Variants in MCTP1 observed in about 807,000 individuals in gnomAD.
MCTP1 encodes multiple C2 and transmembrane domain-containing protein 1.
Under a neutral mutation model 120.6 loss-of-function variants are expected in MCTP1, and 69 were observed. That is an observed-to-expected ratio of 0.57 (90% CI 0.47 to 0.70). The LOEUF (loss-of-function observed/expected upper bound fraction) is 0.70, where lower values mean the gene tolerates loss of function less well. MCTP1 is among the 30% of genes least tolerant of loss of function. The pLI is 0.00. For missense variants in MCTP1, 1,203 were observed against 1,248.8 expected (o/e 0.96, Z 0.55); for synonymous variants, 529 against 493.1 (o/e 1.07, Z -0.96).
Position 94,725,534 on chromosome 5 carries a change from ACTT to A in MCTP1, c.2611-10651_2611-10649del, listed in dbSNP as rs1378200017. On this transcript the variant is annotated intron_variant, in intron 19 of 22. Transcript: ENST00000515393. ...AGGATGTACGTTTGTTTTTAAAAAAACTTCTTTTGAAATTGTTTACTTCATTTT... is the reference window on the plus strand; with the variant it reads ...AGGATGTACGTTTGTTTTTAAAAAAACTTTTGAAATTGTTTACTTCATTTT... Among the ~76,000 whole-genome samples the A allele has an allele frequency of 2.0e-5, 3 of 152,226 alleles. No individual in the cohort carries two copies. In the East Asian group the frequency reaches 5.8e-4, roughly 29 times the overall value.
chr5:95,000,444 G>A (rs1833452402), intron 2 of MCTP1, among the ~76,000 whole-genome samples: 1 of 152,158 alleles, frequency 6.6e-6, no homozygotes, highest in Non-Finnish European at 1.5e-5. Flanking sequence ...CTCCATACAT[G>A]TTACTGCTTC....
chr5:94,745,443 T>C (rs1766661772), intron 19 of MCTP1, among the ~76,000 whole-genome samples: 1 of 152,222 alleles, frequency 6.6e-6, no homozygotes. Context: ...TGACTTCTTT[T>C]AGCCTCATTT....
chr5:94,881,139 T>C (rs1243576485), intron 12 of MCTP1, among the ~76,000 whole-genome samples: 1 of 152,164 alleles, frequency 6.6e-6, no homozygotes, highest in Non-Finnish European at 1.5e-5. Context: ...TGCCTAAGAC[T>C]TGATATTAGA....
intron 1 of MCTP1, among the ~76,000 whole-genome samples, chr5:95,202,110 G>A (rs1342232987): frequency 6.6e-6 from 1 of 152,116 alleles, no homozygotes; most frequent in Non-Finnish European, 1.5e-5. Flanking sequence ...GAGTGGGGAA[G>A]ACCACTCTTG....
At chr5:94,939,773 T>C (rs293039) in intron 5 of MCTP1, among the ~76,000 whole-genome samples, 48,603 of 151,884 alleles carry the variant, frequency 0.32, 8,790 homozygotes, top group South Asian at 0.45. Context: ...TTCAATTCAC[T>C]AATAAATGTA....
intron 7 of MCTP1, among the ~76,000 whole-genome samples, chr5:94,923,514 A>G (rs1253615668): frequency 6.6e-6 from 1 of 152,202 alleles, no homozygotes; most frequent in Non-Finnish European, 1.5e-5. Flanking sequence ...TTTTCAAAGA[A>G]AGAGCACTGA....
chr5:94,834,871 G>A (rs1287431251), intron 17 of MCTP1, among the ~76,000 whole-genome samples: 1 of 136,122 alleles, frequency 7.3e-6, no homozygotes, highest in Admixed American at 8.2e-5. Context: ...AGGCTGGAGT[G>A]CAATGGTGCA....
chr5:95,122,028 T>G (rs1758284318), intron 1 of MCTP1, among the ~76,000 whole-genome samples: 1 of 150,914 alleles, frequency 6.6e-6, no homozygotes, highest in South Asian at 2.1e-4. Flanking sequence ...ATCTAAGACC[T>G]CAAACTATGA....
chr5:94,966,299 G>T (rs979440936), intron 2 of MCTP1, among the ~76,000 whole-genome samples: 2 of 152,110 alleles, frequency 1.3e-5, no homozygotes, highest in African/African-American at 4.8e-5. Context: ...CTAAAACAGT[G>T]GCATATAACT....
intron 1 of MCTP1, among the ~76,000 whole-genome samples, chr5:95,063,087 G>C (rs953886090): frequency 2.0e-5 from 3 of 152,106 alleles, no homozygotes; most frequent in African/African-American, 7.2e-5. Flanking sequence ...CAAAGTGCTG[G>C]GGATACAGAT....
chr5:95,099,636 A>C (rs1374757267), intron 1 of MCTP1, among the ~76,000 whole-genome samples: 2 of 147,684 alleles, frequency 1.4e-5, no homozygotes, highest in Admixed American at 1.4e-4. Flanking sequence ...GGTGCTGGAA[A>C]GGATGTGGAG....
At chr5:94,725,487 C>T (rs1455203622) in intron 19 of MCTP1, among the ~76,000 whole-genome samples, 1 of 152,158 alleles carries the variant, frequency 6.6e-6, no homozygotes, top group African/African-American at 2.4e-5. Flanking sequence ...TCTTAAATCT[C>T]AACTTCTAAT....
At chr5:95,202,418 GTC>G (rs973094032) in intron 1 of MCTP1, among the ~76,000 whole-genome samples, 9 of 152,108 alleles carry the variant, frequency 5.9e-5, no homozygotes, top group Non-Finnish European at 8.8e-5. Flanking sequence ...TTTGCAAATG[GTC>G]TGTCATGGGA....
intron 19 of MCTP1, among the ~76,000 whole-genome samples, chr5:94,771,458 A>G (rs1252687000): frequency 6.6e-6 from 1 of 152,166 alleles, no homozygotes; most frequent in Admixed American, 6.5e-5. Context: ...AAAACCATGA[A>G]TTTCTTCTCT....
At chr5:95,243,743 T>C (rs1407664090) in intron 1 of MCTP1, among the ~76,000 whole-genome samples, 1 of 152,040 alleles carries the variant, frequency 6.6e-6, no homozygotes, top group Non-Finnish European at 1.5e-5. Flanking sequence ...GTCCAAGAGA[T>C]ATTAAAAAGG....
chr5:95,271,476 T>C (rs3095925), intron 1 of MCTP1, among the ~76,000 whole-genome samples: 128,000 of 151,322 alleles, frequency 0.85, 54,265 homozygotes, highest in African/African-American at 0.9. Flanking sequence ...AAAAAAAAAA[T>C]GAACTATATC....
At chr5:94,970,015 G>A (rs763835857) in intron 2 of MCTP1, among the ~76,000 whole-genome samples, 2 of 151,968 alleles carry the variant, frequency 1.3e-5, no homozygotes, top group Non-Finnish European at 2.9e-5. Context: ...TAAAATAAAA[G>A]TAAACCAACA....
rs113614513 is a variant in MCTP1 at position 94,761,611 on chromosome 5, C to T, written c.2610+17499G>A. 7.5e-3 allele frequency among the ~76,000 whole-genome samples: 1,138 copies of T among 152,254 alleles called. 10 individuals carry two copies. The highest frequency in any genetic ancestry group is 0.017 in the Middle Eastern group (5 of 294). On this transcript the variant is annotated intron_variant, in intron 19 of 22. Coordinates refer to ENST00000515393, the MANE Select transcript of MCTP1 (RefSeq NM_024717.7). ...GAGACTCTTGGGAGGCAATAGGCTC[C>T]GTATTTCTTAATGCTACATGACATC...
intron 1 of MCTP1, among the ~76,000 whole-genome samples, chr5:95,066,444 T>A (rs1208197484): frequency 6.6e-6 from 1 of 152,098 alleles, no homozygotes; most frequent in Non-Finnish European, 1.5e-5. Context: ...GTACAGAGGT[T>A]CCTCAAAAAA....
Sources: allele counts gnomAD v4.1 joint callset (sites outside exome capture counted in the v4.1 genomes callset), GRCh38; gene constraint gnomAD v4.1.1; transcripts MANE v1.5; gene names NCBI Gene and HGNC (gene_info 2026-07-23, HGNC 2026-07-21).